Variants in TEX30 observed in about 807,000 individuals in gnomAD.
TEX30 encodes testis expressed 30, also known as testis-expressed protein 30.
Under a neutral mutation model 23.8 loss-of-function variants are expected in TEX30, and 14 were observed. The ratio of observed to expected loss-of-function variants is 0.59; its 90% CI spans 0.39 to 0.92. The LOEUF (loss-of-function observed/expected upper bound fraction) is 0.92. Ranked by LOEUF, TEX30 falls within the 40% of genes least tolerant of loss-of-function variation. TEX30 has a pLI of 0.00. For missense variants in TEX30, 246 were observed against 270.6 expected (o/e 0.91, Z 0.64); for synonymous variants, 78 against 90.2 (o/e 0.87, Z 0.76).
At chr13:102,766,710 G>T in intron 5 of TEX30, 130 bp from the exon 6 acceptor site, 1 of 774,788 alleles carries the variant, frequency 1.3e-6, no homozygotes, top group Non-Finnish European at 1.9e-6. Flanking sequence ...AACTTTCTAG[G>T]TAATAGAATG....
At chr13:102,766,651 G>A (rs567808190) in intron 5 of TEX30, 71 bp from the exon 6 acceptor site, 83 of 1,380,714 alleles carry the variant, frequency 6.0e-5, no homozygotes, top group Non-Finnish European at 7.8e-5. Context: ...TCTCTCCCCT[G>A]CCTATACTGG....
intron 2 of TEX30, 184 bp from the exon 3 acceptor site, chr13:102,769,725 T>C (rs150100926): frequency 3.6e-6 from 2 of 551,982 alleles, no homozygotes; most frequent in Non-Finnish European, 6.3e-6. Context: ...AAGTGCTTTA[T>C]ATGTATTAAC....
chr13:102,773,239 C>T (rs1387293427), intron 1 of TEX30, among the ~76,000 whole-genome samples: 1 of 152,200 alleles, frequency 6.6e-6, no homozygotes, highest in African/African-American at 2.4e-5. Context: ...ACAACCCCAG[C>T]AAACATGGAG....
rs772079107 is a variant in TEX30, at chr13:102,768,315, G to C, written c.247-4C>G. The C allele has an allele frequency of 6.4e-7, 1 of 1,573,182 alleles. No homozygotes were observed. Among genetic ancestry groups the C allele is most frequent in the Non-Finnish European group, 8.6e-7 (1 of 1,167,456 alleles). On this transcript the variant is annotated splice_polypyrimidine_tract_variant and splice_region_variant and intron_variant, in intron 3 of 5. Transcript: ENST00000376032. ...CTCCTGATGTCTTCAGGTAATTCTA[G>C]AAAAATAAAAAAATCATCAGTTCTT...
chr13:102,768,386 A>C, intron 3 of TEX30, 75 bp from the exon 4 acceptor site: 9 of 1,049,760 alleles, frequency 8.6e-6, no homozygotes, highest in Non-Finnish European at 1.3e-5. Flanking sequence ...ATTGTTTCTC[A>C]TCATTACTGA....
At chr13:102,768,014 C>A (rs1877028993) in intron 4 of TEX30, among the ~76,000 whole-genome samples, 1 of 152,078 alleles carries the variant, frequency 6.6e-6, no homozygotes, top group Non-Finnish European at 1.5e-5. Flanking sequence ...GTAAAGGAAT[C>A]ATCATATGCA....
intron 1 of TEX30, among the ~76,000 whole-genome samples, chr13:102,772,789 ACT>A (rs547070722): frequency 0.014 from 2,082 of 150,932 alleles, 14 homozygotes; most frequent in Non-Finnish European, 0.024. Flanking sequence ...CTGGTTTTGA[ACT>A]CCTGACCTCA....
chr13:102,772,156 T>C (rs1448122355), intron 1 of TEX30, among the ~76,000 whole-genome samples: 1 of 152,130 alleles, frequency 6.6e-6, no homozygotes, highest in East Asian at 1.9e-4. Context: ...TTTTTTTTTT[T>C]TGAGACAGGT....
chr13:102,770,453 A>G (rs1021310761), intron 1 of TEX30, among the ~76,000 whole-genome samples: 2 of 152,304 alleles, frequency 1.3e-5, no homozygotes, highest in East Asian at 3.9e-4. Flanking sequence ...GCATCTTTCC[A>G]TTAACCCATT....
chr13:102,771,586 T>C (rs1005427455), intron 1 of TEX30, among the ~76,000 whole-genome samples: 1 of 152,210 alleles, frequency 6.6e-6, no homozygotes, highest in Admixed American at 6.5e-5. Flanking sequence ...AGCATTAGTC[T>C]GATCTGACTG....
chr13:102,771,060 CTT>C (rs1395160452), intron 1 of TEX30, among the ~76,000 whole-genome samples: 1 of 152,210 alleles, frequency 6.6e-6, no homozygotes, highest in African/African-American at 2.4e-5. Context: ...TCATTCCACT[CTT>C]GACTTGACAT....
intron 1 of TEX30, among the ~76,000 whole-genome samples, chr13:102,773,304 C>G (rs949405068): frequency 2.0e-5 from 3 of 152,088 alleles, no homozygotes; most frequent in African/African-American, 7.2e-5. Context: ...GCTCGGGGCA[C>G]GGGATCCGTT....
chr13:102,767,775 T>C (rs1403526765), intron 4 of TEX30, among the ~76,000 whole-genome samples: 1 of 152,048 alleles, frequency 6.6e-6, no homozygotes, highest in Non-Finnish European at 1.5e-5. Context: ...TAGCCAGGCA[T>C]GGTGGTGCAC....
intron 1 of TEX30, among the ~76,000 whole-genome samples, chr13:102,772,887 C>T (rs1429770718): frequency 2.0e-5 from 3 of 152,362 alleles, no homozygotes; most frequent in Admixed American, 6.5e-5. Flanking sequence ...GTTTTCATCT[C>T]TGGCTTCAGG....
At position 102,769,899 on chromosome 13, in the gene TEX30, G is replaced by A. The variant is rs182450421; in HGVS notation, c.15+113C>T. ...AGATTCCTCGCTCTTAACCACTTAT[G>A]CTATACTGCCTCCCACAGTGAAAGT... On this transcript the variant is annotated intron_variant, in intron 2 of 5. Coordinates refer to ENST00000376032, the MANE Select transcript of TEX30 (RefSeq NM_138779.5). 1.8e-4 allele frequency: 164 copies of A among 928,308 alleles called. No individual in the cohort carries two copies. In the African/African-American group the frequency reaches 2.5e-3, roughly 14 times the overall value. 57.5% of individuals were successfully genotyped at this position (928,308 alleles called of 1,614,324 possible).
intron 2 of TEX30, 40 bp from the exon 3 acceptor site, chr13:102,769,581 T>C: frequency 7.6e-7 from 1 of 1,322,070 alleles, no homozygotes; most frequent in Non-Finnish European, 1.1e-6. Flanking sequence ...AATTACTTTC[T>C]TGCCTATTAA....
chr13:102,771,501 C>A (rs566825991), intron 1 of TEX30, among the ~76,000 whole-genome samples: 1 of 152,322 alleles, frequency 6.6e-6, no homozygotes, highest in South Asian at 2.1e-4. Flanking sequence ...CTAGAAACCA[C>A]CATAAGCAAC....
At chr13:102,767,527 A>G (rs747977745) in intron 4 of TEX30, 49 bp from the exon 5 acceptor site, 1 of 1,576,384 alleles carries the variant, frequency 6.3e-7, no homozygotes, top group South Asian at 1.1e-5. Flanking sequence ...ACTTTCACAT[A>G]AAGTAGCAGT....
At chr13:102,771,816 T>G (rs1214385600) in intron 1 of TEX30, among the ~76,000 whole-genome samples, 1 of 152,222 alleles carries the variant, frequency 6.6e-6, no homozygotes, top group African/African-American at 2.4e-5. Flanking sequence ...GATATCCAAT[T>G]GCTTCTCAGA....
Sources: allele counts gnomAD v4.1 joint callset (sites outside exome capture counted in the v4.1 genomes callset), GRCh38; gene constraint gnomAD v4.1.1; transcripts MANE v1.5; gene names NCBI Gene and HGNC (gene_info 2026-07-23, HGNC 2026-07-21).